The following GRAMD1B variants were observed in gnomAD, a reference collection of about 807,000 sequenced individuals.
GRAMD1B encodes GRAM domain containing 1B, also known as protein Aster-B.
A neutral mutation model predicts 99.7 loss-of-function variants in GRAMD1B; 37 were observed. The observed-to-expected ratio is 0.37, with a 90% CI of 0.29 to 0.49. GRAMD1B has a LOEUF of 0.49. Ranked by LOEUF, GRAMD1B falls within the 20% of genes least tolerant of loss-of-function variation. The pLI, the probability that GRAMD1B is intolerant of heterozygous loss-of-function variation, is 0.98. For missense variants in GRAMD1B, 888 were observed against 1,009.2 expected (o/e 0.88, Z 1.63); for synonymous variants, 427 against 387.6 (o/e 1.10, Z -1.19).
chr11:123,497,385 G>A (rs1195245667), intron 2 of GRAMD1B, among the ~76,000 whole-genome samples: 1 of 152,126 alleles, frequency 6.6e-6, no homozygotes, highest in Non-Finnish European at 1.5e-5. Context: ...GCACACTATT[G>A]AGTCTCACTC....
chr11:123,482,251 A>G (rs1951653876), intron 2 of GRAMD1B, among the ~76,000 whole-genome samples: 1 of 152,066 alleles, frequency 6.6e-6, no homozygotes, highest in Admixed American at 6.6e-5. Context: ...GGCAAGTGCT[A>G]CCATGCCCCG....
At chr11:123,573,528 A>G (rs1032123221) in intron 2 of GRAMD1B, among the ~76,000 whole-genome samples, 3 of 152,178 alleles carry the variant, frequency 2.0e-5, no homozygotes, top group Non-Finnish European at 4.4e-5. Flanking sequence ...GCTTCCGAAA[A>G]TGAGCTTGAC....
Position 123,625,748 on chromosome 11 carries a change from G to C in GRAMD1B, c.*3153G>C, listed in dbSNP as rs1955462862. 1 of 152,286 alleles carries C rather than the reference G, an allele frequency of 6.6e-6. No individual in the cohort carries two copies. The allele number at this position is 152,286 out of a possible 1,614,324, so 9.4% of individuals were successfully genotyped here. ...AGGTTCTAGCTTTGACATCATCTTG[G>C]GGGTTAGGCCAGAGGCTGGGAAGAC... On this transcript the variant is annotated 3_prime_UTR_variant, in exon 20 of 20. Coordinates refer to ENST00000635736, the MANE Select transcript of GRAMD1B (RefSeq NM_001387025.1).
chr11:123,570,948 C>G (rs1948006419), intron 2 of GRAMD1B, among the ~76,000 whole-genome samples: 1 of 152,150 alleles, frequency 6.6e-6, no homozygotes, highest in South Asian at 2.1e-4. Flanking sequence ...GAAGTCAACA[C>G]TTCATTGCAG....
intron 1 of GRAMD1B, among the ~76,000 whole-genome samples, chr11:123,470,126 A>C (rs1353974333): frequency 1.3e-5 from 2 of 152,192 alleles, no homozygotes; most frequent in African/African-American, 4.8e-5. Flanking sequence ...AGACCAGTCT[A>C]CAGACCAGAG....
intron 2 of GRAMD1B, among the ~76,000 whole-genome samples, chr11:123,515,697 C>G (rs1941606436): frequency 6.6e-6 from 1 of 152,098 alleles, no homozygotes; most frequent in African/African-American, 2.4e-5. Flanking sequence ...ATAGAACTAC[C>G]ACCACTATGT....
chr11:123,494,819 G>A (rs1939038788), intron 2 of GRAMD1B, among the ~76,000 whole-genome samples: 1 of 152,108 alleles, frequency 6.6e-6, no homozygotes, highest in Non-Finnish European at 1.5e-5. Flanking sequence ...GAATGTGAGT[G>A]GGTGGCAACT....
chr11:123,536,985 A>G (rs778191741), intron 2 of GRAMD1B, among the ~76,000 whole-genome samples: 1 of 152,224 alleles, frequency 6.6e-6, no homozygotes, highest in African/African-American at 2.4e-5. Context: ...CGGGGGCTTC[A>G]TGCTAAGGAT....
chr11:123,568,261 G>A (rs1947622281), intron 2 of GRAMD1B, among the ~76,000 whole-genome samples: 2 of 152,254 alleles, frequency 1.3e-5, no homozygotes, highest in South Asian at 4.1e-4. Flanking sequence ...GAAGGAGGTA[G>A]GGGCATGGGC....
intron 1 of GRAMD1B, among the ~76,000 whole-genome samples, chr11:123,475,005 T>C (rs573326933): frequency 1.5e-3 from 226 of 152,228 alleles, no homozygotes; most frequent in African/African-American, 5.2e-3. Flanking sequence ...TCCTGTAGGG[T>C]TGCCTGGAAG....
intron 17 of GRAMD1B, 95 bp from the exon 18 acceptor site, chr11:123,618,598 C>T: frequency 1.2e-6 from 1 of 833,544 alleles, no homozygotes; most frequent in Non-Finnish European, 2.1e-6. Context: ...TTGGATGGCC[C>T]ACCGGTCAGG....
intron 2 of GRAMD1B, among the ~76,000 whole-genome samples, chr11:123,513,583 TTCCTTCCTTCCTTC>T (rs1941312073): frequency 2.9e-5 from 2 of 68,974 alleles, no homozygotes; most frequent in African/African-American, 1.4e-4. Flanking sequence ...CTTCCTTTCC[TTCCTTCCTTCCTTC>T]CTTCCTTCCT....
At chr11:123,552,949 A>T (rs1945771633) in intron 2 of GRAMD1B, among the ~76,000 whole-genome samples, 1 of 152,246 alleles carries the variant, frequency 6.6e-6, no homozygotes. Context: ...AATATAGATC[A>T]CTAGTCTATG....
In GRAMD1B at chr11:123,477,707, C is replaced by T. The variant is rs541741234; in HGVS notation, c.375-3109C>T. Among the ~76,000 whole-genome samples the T allele has an allele frequency of 5.5e-5, 8 of 144,466 alleles. No individual in the cohort carries two copies. In the South Asian group the frequency reaches 1.7e-3, roughly 31 times the overall value. 94.8% of individuals were successfully genotyped at this position (144,466 alleles called of 152,430 possible). A position where few individuals can be genotyped will look rare whatever the true frequency, so the allele number is the denominator to read the frequency against. ...TTCTCCCTTCCTTTCCCTTCCTTCT[C>T]CCTTCCTTTCCTTTCCCTTTCTCTT... On this transcript the variant is annotated intron_variant, in intron 1 of 19. Transcript: ENST00000635736.
intron 1 of GRAMD1B, among the ~76,000 whole-genome samples, chr11:123,369,582 T>C (rs1591364964): frequency 6.6e-6 from 1 of 151,878 alleles, no homozygotes; most frequent in East Asian, 1.9e-4. Context: ...TAAAACCCTA[T>C]AAAGTGTGGC....
chr11:123,390,408 C>T (rs1413587498), intron 1 of GRAMD1B, among the ~76,000 whole-genome samples: 2 of 152,204 alleles, frequency 1.3e-5, no homozygotes, highest in Non-Finnish European at 2.9e-5. Flanking sequence ...CATCACCCTG[C>T]TCCTTGAATC....
intron 17 of GRAMD1B, among the ~76,000 whole-genome samples, chr11:123,616,475 G>A (rs1954403441): frequency 6.6e-6 from 1 of 152,222 alleles, no homozygotes; most frequent in South Asian, 2.1e-4. Context: ...AGTTAGTTCT[G>A]TGTTTAAGCT....
At chr11:123,582,270 G>C (rs1415489052) in intron 3 of GRAMD1B, among the ~76,000 whole-genome samples, 2 of 152,236 alleles carry the variant, frequency 1.3e-5, no homozygotes, top group African/African-American at 2.4e-5. Context: ...GCAGACGCCA[G>C]ACGCAGCCTG....
At chr11:123,564,252 T>G (rs1947111311) in intron 2 of GRAMD1B, among the ~76,000 whole-genome samples, 1 of 152,228 alleles carries the variant, frequency 6.6e-6, no homozygotes, top group African/African-American at 2.4e-5. Context: ...GGGCCCAGAC[T>G]GCCTGGATTT....
Sources: allele counts gnomAD v4.1 joint callset (sites outside exome capture counted in the v4.1 genomes callset), GRCh38; gene constraint gnomAD v4.1.1; transcripts MANE v1.5; gene names NCBI Gene and HGNC (gene_info 2026-07-23, HGNC 2026-07-21).